LDLRAD4: variants seen among roughly 807,000 people sequenced by gnomAD.
The protein encoded by LDLRAD4 is low density lipoprotein receptor class A domain containing 4, also known as low-density lipoprotein receptor class A domain-containing protein 4.
Under a neutral mutation model 17.0 loss-of-function variants are expected in LDLRAD4, and 5 were observed. That is an observed-to-expected ratio of 0.29 (90% CI 0.15 to 0.62). LDLRAD4 has a LOEUF of 0.62. LDLRAD4 is among the 20% of genes least tolerant of loss of function. LDLRAD4 has a pLI of 0.84. For missense variants in LDLRAD4, 340 were observed against 424.7 expected, an observed-to-expected ratio of 0.80 and a Z score of 1.75; for synonymous variants, 168 against 171.8, an observed-to-expected ratio of 0.98 and a Z score of 0.17.
intron 3 of LDLRAD4, chr18:13,515,317 G>A (rs1425785506): frequency 6.6e-6 from 1 of 152,234 alleles, no homozygotes; most frequent in African/African-American, 2.4e-5. Context: ...TTCTGACTTT[G>A]CTTTTTGAAA....
At chr18:13,418,286 C>T (rs2089122562) in intron 2 of LDLRAD4, among the ~76,000 whole-genome samples, 3 of 152,258 alleles carry the variant, frequency 2.0e-5, no homozygotes, top group Admixed American at 1.3e-4. Flanking sequence ...GGTCACCTGC[C>T]TTCAGGGCCT....
intron 3 of LDLRAD4, among the ~76,000 whole-genome samples, chr18:13,517,151 T>C (rs1188703358): frequency 1.3e-5 from 2 of 152,230 alleles, no homozygotes. Flanking sequence ...GCACCTGGCC[T>C]GGCATCTCTT....
At chr18:13,225,180 G>C (rs531285819) in intron 1 of LDLRAD4, among the ~76,000 whole-genome samples, 2 of 152,222 alleles carry the variant, frequency 1.3e-5, no homozygotes, top group African/African-American at 4.8e-5. Flanking sequence ...AATGAATCAT[G>C]CATATTGACG....
intron 2 of LDLRAD4, among the ~76,000 whole-genome samples, chr18:13,399,394 A>G (rs2086970417): frequency 6.6e-6 from 1 of 152,190 alleles, no homozygotes; most frequent in South Asian, 2.1e-4. Context: ...GAAAATGACA[A>G]TAACAATAGG....
chr18:13,363,248 C>T (rs536484938), intron 1 of LDLRAD4, among the ~76,000 whole-genome samples: 83 of 146,432 alleles, frequency 5.7e-4, no homozygotes, highest in African/African-American at 1.9e-3. Context: ...AGGAGAATGG[C>T]GTGAACCTGG....
At chr18:13,463,405 G>A (rs1443523801) in intron 3 of LDLRAD4, among the ~76,000 whole-genome samples, 6 of 152,354 alleles carry the variant, frequency 3.9e-5, no homozygotes, top group South Asian at 2.1e-4. Context: ...CCTGCCTGAC[G>A]AAGGGAACAG....
At chr18:13,262,019 G>A (rs1391313427) in intron 1 of LDLRAD4, among the ~76,000 whole-genome samples, 1 of 151,140 alleles carries the variant, frequency 6.6e-6, no homozygotes, top group East Asian at 2.0e-4. Context: ...CGTGGGGGCT[G>A]AGTCCCGTGT....
At chr18:13,473,218 T>G (rs1488686679) in intron 3 of LDLRAD4, among the ~76,000 whole-genome samples, 1 of 152,232 alleles carries the variant, frequency 6.6e-6, no homozygotes, top group African/African-American at 2.4e-5. Context: ...AAAATGTGTC[T>G]TCTTCTTGCC....
At chr18:13,575,912 A>G (rs569628082) in intron 3 of LDLRAD4, among the ~76,000 whole-genome samples, 1 of 151,986 alleles carries the variant, frequency 6.6e-6, no homozygotes, top group Non-Finnish European at 1.5e-5. Context: ...CCAGTTTTTG[A>G]TGGGATTGTT....
intron 1 of LDLRAD4, among the ~76,000 whole-genome samples, chr18:13,288,439 T>G (rs576797923): frequency 6.6e-6 from 1 of 152,352 alleles, no homozygotes; most frequent in South Asian, 2.1e-4. Context: ...AAAGAAAAAT[T>G]TAGTTGCTAA....
intron 2 of LDLRAD4, among the ~76,000 whole-genome samples, chr18:13,432,555 T>C (rs1431459831): frequency 2.0e-5 from 3 of 152,242 alleles, no homozygotes; most frequent in African/African-American, 7.2e-5. Context: ...TGAGGTCCCA[T>C]GACCATGCCT....
chr18:13,335,491 G>A (rs1289911633), intron 1 of LDLRAD4, among the ~76,000 whole-genome samples: 2 of 152,134 alleles, frequency 1.3e-5, no homozygotes, highest in African/African-American at 4.8e-5. Flanking sequence ...ATTTTTGCTG[G>A]TTGTATGATT....
At chr18:13,314,821 C>A (rs1215220581) in intron 1 of LDLRAD4, among the ~76,000 whole-genome samples, 1 of 152,178 alleles carries the variant, frequency 6.6e-6, no homozygotes, top group Non-Finnish European at 1.5e-5. Flanking sequence ...GCCTAGTAAT[C>A]TGCACTTGTG....
chr18:13,405,930 C>G (rs946952488), intron 2 of LDLRAD4, among the ~76,000 whole-genome samples: 5 of 152,188 alleles, frequency 3.3e-5, no homozygotes, highest in African/African-American at 9.7e-5. Context: ...GGCAGCTTAT[C>G]TTGCTGTGAG....
At chr18:13,465,562 G>T (rs567480797) in intron 3 of LDLRAD4, among the ~76,000 whole-genome samples, 29 of 152,170 alleles carry the variant, frequency 1.9e-4, no homozygotes, top group Non-Finnish European at 2.4e-4. Flanking sequence ...TGGAGTCTAC[G>T]ACCTTGCCCT....
At chr18:13,457,423 T>C (rs2092200760) in intron 3 of LDLRAD4, among the ~76,000 whole-genome samples, 1 of 152,148 alleles carries the variant, frequency 6.6e-6, no homozygotes, top group Non-Finnish European at 1.5e-5. Flanking sequence ...CCTGTCCTCT[T>C]GGATTTTTAT....
chr18:13,439,186 A>G (rs1158016056), intron 3 of LDLRAD4, among the ~76,000 whole-genome samples: 1 of 152,122 alleles, frequency 6.6e-6, no homozygotes, highest in Non-Finnish European at 1.5e-5. Context: ...TTTTACTGAC[A>G]TTATTTTGAG....
chr18:13,521,979 T>C (rs1440580820), intron 3 of LDLRAD4: 1 of 151,564 alleles, frequency 6.6e-6, no homozygotes, highest in Non-Finnish European at 1.5e-5. Flanking sequence ...CTAAGGACAC[T>C]AGTGCTTACT....
intron 4 of LDLRAD4, among the ~76,000 whole-genome samples, chr18:13,626,630 A>G (rs1427941164): frequency 6.6e-6 from 1 of 152,244 alleles, no homozygotes; most frequent in Non-Finnish European, 1.5e-5. Context: ...CACATCACAC[A>G]TCTCTTCATT....
Sources: gnomAD v4.1 joint callset for allele counts (sites outside exome capture counted in the v4.1 genomes callset) on GRCh38, gnomAD v4.1.1 for gene constraint, MANE v1.5 for transcripts, NCBI Gene and HGNC (gene_info 2026-07-23, HGNC 2026-07-21) for gene names.